Variants in CLPB observed in about 807,000 individuals in gnomAD.
CLPB encodes the protein mitochondrial disaggregase.
In CLPB, 40 loss-of-function variants were observed where a neutral mutation model predicts 78.4. The ratio of observed to expected loss-of-function variants is 0.51; its 90% CI spans 0.40 to 0.66. CLPB has a LOEUF of 0.66. Among genes scored for constraint, CLPB ranks in the 30% least tolerant of loss-of-function variants. The probability of loss-of-function intolerance (pLI) is 0.00; values close to 1 mark genes in which losing one functional copy is unlikely to be tolerated. For synonymous variants in CLPB, 333 were observed against 348.0 expected (o/e 0.96, Z 0.48); for missense variants, 780 against 886.9 (o/e 0.88, Z 1.53).
At chr11:72,399,382 C>A (rs1472577910) in intron 3 of CLPB, among the ~76,000 whole-genome samples, 1 of 152,088 alleles carries the variant, frequency 6.6e-6, no homozygotes, top group African/African-American at 2.4e-5. Flanking sequence ...GATTTCTGAT[C>A]TTGATCCAGT....
At position 72,434,448 on chromosome 11, in the gene CLPB, TCTC is replaced by T; in HGVS notation, c.24_26del (p.Arg9del). 1.9e-6 allele frequency: 3 copies of T among 1,568,470 alleles called. No individual in the cohort carries two copies. The highest frequency in any genetic ancestry group is 2.6e-6 in the Non-Finnish European group (3 of 1,154,214). On this transcript the variant is annotated inframe_deletion, in exon 1 of 16. Coordinates refer to ENST00000538039, the MANE Select transcript of CLPB (RefSeq NM_001258392.3). ...GGAGTAGCCGTGGCGCCAGTGCTTT[TCTC>T]CTCAACACCAGGGACCCCAGCATCT...
rs189404029 is a variant in CLPB at position 72,309,181 on chromosome 11, G to A, written c.989-577C>T. Among the ~76,000 whole-genome samples the A allele has an allele frequency of 1.9e-3, 282 of 152,262 alleles. 1 individual carries two copies. The highest frequency in any genetic ancestry group is 2.9e-3 in the Non-Finnish European group (200 of 68,006). Reference sequence around the variant, plus strand: ...GCAATGTGGAGCTCAGGGCATGGAAGGGGTAAGCCACATGGTTACCAGAGA... The same window carrying A: ...GCAATGTGGAGCTCAGGGCATGGAAAGGGTAAGCCACATGGTTACCAGAGA... On this transcript the variant is annotated intron_variant, in intron 7 of 15. Coordinates refer to ENST00000538039, the MANE Select transcript of CLPB (RefSeq NM_001258392.3).
intron 5 of CLPB, among the ~76,000 whole-genome samples, chr11:72,336,060 G>T (rs1950316355): frequency 6.6e-6 from 1 of 151,950 alleles, no homozygotes; most frequent in Admixed American, 6.5e-5. Context: ...GCCTTTCCTA[G>T]GGAGAGTGCT....
intron 4 of CLPB, among the ~76,000 whole-genome samples, chr11:72,369,675 A>C (rs1211404291): frequency 1.3e-5 from 2 of 152,252 alleles, no homozygotes; most frequent in African/African-American, 4.8e-5. Context: ...AAGCCAACCC[A>C]GCATCTCTAC....
rs930868502 is a variant in CLPB at position 72,387,487 on chromosome 11, T to C, written c.543-7103A>G. 3.3e-5 allele frequency among the ~76,000 whole-genome samples: 5 copies of C among 152,184 alleles called. No individual in the cohort carries two copies. In the South Asian group the frequency reaches 6.2e-4, roughly 19 times the overall value. ...ATTGGGAAGACAGCATGGCATTTTA[T>C]AACAAGCACAGAGAGACCTGTGTTC... On this transcript the variant is annotated intron_variant, in intron 3 of 15. Transcript: ENST00000538039.
intron 6 of CLPB, among the ~76,000 whole-genome samples, chr11:72,318,347 G>A (rs1949986675): frequency 6.6e-6 from 1 of 152,218 alleles, no homozygotes; most frequent in South Asian, 2.1e-4. Context: ...GAAGCTGGAG[G>A]AAGACTGGGC....
At chr11:72,377,288 T>C (rs558695431) in intron 4 of CLPB, among the ~76,000 whole-genome samples, 2 of 152,324 alleles carry the variant, frequency 1.3e-5, no homozygotes, top group East Asian at 3.9e-4. Context: ...ATAAAGTCTT[T>C]ATAAACATTT....
rs1446123100 is a variant in CLPB at position 72,431,860 on chromosome 11, C to A, written c.404-1497G>T. ...GGACAGGGTAGCTGGCAAGTCAGTT[C>A]CAGCAGGAACTGGTCACGGCTTTGA... On this transcript the variant is annotated intron_variant, in intron 1 of 15. Transcript: ENST00000538039. 2.0e-5 allele frequency among the ~76,000 whole-genome samples: 3 copies of A among 152,166 alleles called. No homozygotes were observed. The East Asian group carries it at 5.8e-4, about 29-fold the overall frequency.
intron 1 of CLPB, among the ~76,000 whole-genome samples, chr11:72,432,276 G>A (rs1856568566): frequency 6.6e-6 from 1 of 152,180 alleles, no homozygotes; most frequent in Admixed American, 6.5e-5. Flanking sequence ...CTAAGTTCCA[G>A]ACACTGTGGT....
intron 4 of CLPB, among the ~76,000 whole-genome samples, chr11:72,370,149 G>C (rs562608766): frequency 1.3e-5 from 2 of 152,226 alleles, no homozygotes; most frequent in East Asian, 1.9e-4. Context: ...TCCCTGATTT[G>C]GAACTTTTGA....
rs1949429612 is a variant in CLPB, at chr11:72,289,715, A to G, written c.*3652T>C. 1 of 152,096 alleles carries G rather than the reference A, an allele frequency of 6.6e-6. No homozygotes were observed. Among genetic ancestry groups the G allele is most frequent in the Admixed American group, 6.5e-5 (1 of 15,270 alleles). 9.4% of individuals were successfully genotyped at this position (152,096 alleles called of 1,614,324 possible). A position where few individuals can be genotyped will look rare whatever the true frequency, so the allele number is the denominator to read the frequency against. On this transcript the variant is annotated 3_prime_UTR_variant, in exon 16 of 16. Coordinates refer to ENST00000538039, the MANE Select transcript of CLPB (RefSeq NM_001258392.3). ...CCTCCTACGTAGCTAGGATTACAGGAATGCACCACCATGCCTGGCTAATTT... is the reference window on the plus strand; with the variant it reads ...CCTCCTACGTAGCTAGGATTACAGGGATGCACCACCATGCCTGGCTAATTT...
At chr11:72,392,874 C>T (rs1171347515) in intron 3 of CLPB, among the ~76,000 whole-genome samples, 1 of 152,222 alleles carries the variant, frequency 6.6e-6, no homozygotes, top group Non-Finnish European at 1.5e-5. Flanking sequence ...ACCCAACTGA[C>T]CATCCATTAG....
In CLPB at chr11:72,329,774, C is replaced by A. The variant is rs1390365704; in HGVS notation, c.806G>T (p.Gly269Val). 2 of 1,613,892 alleles carry A rather than the reference C, an allele frequency of 1.2e-6. No homozygotes were observed. The highest frequency in any genetic ancestry group is 1.7e-4 in the Middle Eastern group (1 of 6,058). ...TCGGGCATAATCCAAGGGTGTGTGTCCCATTTCATTCCTCTGCAGGGGGTT... is the reference window on the plus strand; with the variant it reads ...TCGGGCATAATCCAAGGGTGTGTGTACCATTTCATTCCTCTGCAGGGGGTT... ...GANPLQRNEM[G>V]HTPLDYAREG... Residue 269 changes from glycine to valine, a missense_variant, in exon 6 of 16, where the codon GGA becomes GTA. Gly to Val is a moderately radical substitution (Grantham distance 109). Transcript: ENST00000538039.
chr11:72,291,380 T>A lies in CLPB; in HGVS notation c.*1987A>T, dbSNP rs1273449410. On this transcript the variant is annotated 3_prime_UTR_variant, in exon 16 of 16. Transcript: ENST00000538039. ...TGGAGTGCAGTGGCGTGATTTCAGC[T>A]CACTGCAACCTCCGCCTCCTGGGCT... is the stretch of plus-strand genomic sequence containing the variant. 1 of 152,234 alleles carries A rather than the reference T, an allele frequency of 6.6e-6. No individual in the cohort carries two copies. The highest frequency in any genetic ancestry group is 1.5e-5 in the Non-Finnish European group (1 of 68,066). 9.4% of individuals were successfully genotyped at this position (152,234 alleles called of 1,614,324 possible). A position where few individuals can be genotyped will look rare whatever the true frequency, so the allele number is the denominator to read the frequency against.
At chr11:72,392,690 T>A (rs1855288281) in intron 3 of CLPB, among the ~76,000 whole-genome samples, 1 of 152,212 alleles carries the variant, frequency 6.6e-6, no homozygotes, top group Non-Finnish European at 1.5e-5. Flanking sequence ...CAGATCCTTA[T>A]AACAACTTGC....
intron 2 of CLPB, among the ~76,000 whole-genome samples, chr11:72,427,124 A>T (rs1413529673): frequency 6.6e-6 from 1 of 152,370 alleles, no homozygotes; most frequent in East Asian, 1.9e-4. Context: ...GAGGACCCAC[A>T]TCCAGGGCCC....
In CLPB at chr11:72,349,049, T is replaced by C. The variant is rs188099835; in HGVS notation, c.775+9831A>G. ...TGAGAATAGGGATGATGGTGGTTAG[T>C]TGTAAGAAAATAATTAATAGTTGCT... On this transcript the variant is annotated intron_variant, in intron 5 of 15. Transcript: ENST00000538039. 2.6e-5 allele frequency among the ~76,000 whole-genome samples: 4 copies of C among 152,356 alleles called. No individual in the cohort carries two copies. In the East Asian group the frequency reaches 7.7e-4, roughly 29 times the overall value.
At chr11:72,301,754 C>T (rs369726156) in intron 11 of CLPB, 49 bp downstream of exon 11, 2 of 1,587,610 alleles carry the variant, frequency 1.3e-6, no homozygotes, top group East Asian at 4.5e-5. Flanking sequence ...TCACAGTCCC[C>T]CTTATCTCCA....
At chr11:72,358,074 A>C (rs986557747) in intron 5 of CLPB, among the ~76,000 whole-genome samples, 1 of 152,190 alleles carries the variant, frequency 6.6e-6, no homozygotes, top group African/African-American at 2.4e-5. Context: ...GATATGGGGA[A>C]GTGGGAAAGA....
Sources: gnomAD v4.1 joint callset for allele counts (sites outside exome capture counted in the v4.1 genomes callset) on GRCh38, gnomAD v4.1.1 for gene constraint, MANE v1.5 for transcripts, NCBI Gene and HGNC (gene_info 2026-07-23, HGNC 2026-07-21) for gene names.